The following BRINP1 variants were observed in gnomAD, a reference collection of about 807,000 sequenced individuals.
BRINP1 encodes the protein BMP/retinoic acid inducible neural specific 1.
Under a neutral mutation model 72.9 loss-of-function variants are expected in BRINP1, and 17 were observed. That is an observed-to-expected ratio of 0.23 (90% CI 0.16 to 0.35). The LOEUF (loss-of-function observed/expected upper bound fraction) is 0.35. Among genes scored for constraint, BRINP1 ranks in the 10% least tolerant of loss-of-function variants. The pLI is 1.00. For missense variants in BRINP1, 850 were observed against 1,001.6 expected (o/e 0.85, Z 2.04); for synonymous variants, 418 against 378.5 (o/e 1.10, Z -1.21).
At chr9:119,278,126 T>C (rs1830674199) in intron 2 of BRINP1, among the ~76,000 whole-genome samples, 1 of 152,184 alleles carries the variant, frequency 6.6e-6, no homozygotes. Context: ...CAAATCTCGT[T>C]TCTTGTTTTT....
intron 1 of BRINP1, among the ~76,000 whole-genome samples, chr9:119,331,600 T>A (rs1042920877): frequency 6.6e-6 from 1 of 152,218 alleles, no homozygotes; most frequent in Non-Finnish European, 1.5e-5. Context: ...TTTGTAAATA[T>A]GTAGATGATG....
intron 1 of BRINP1, among the ~76,000 whole-genome samples, chr9:119,359,877 CAAG>C (rs1485726001): frequency 1.3e-5 from 2 of 152,178 alleles, no homozygotes; most frequent in Non-Finnish European, 2.9e-5. Context: ...TTTTCCACTC[CAAG>C]AACGGCTTTA....
intron 6 of BRINP1, among the ~76,000 whole-genome samples, chr9:119,209,523 C>T (rs964851201): frequency 4.7e-5 from 7 of 149,860 alleles, no homozygotes; most frequent in Non-Finnish European, 1.5e-5. Context: ...GCTGAGACTG[C>T]ACCACTGCAC....
rs756200273 is a variant in BRINP1, at chr9:119,279,351, G to GATTTC, written c.219-30202_219-30201insGAAAT. ...TTATTAACCATGGGGATTTCGCCAG[G>GATTTC]GCACCTGCCCACGCACGGTTCCCCT... is the stretch of plus-strand genomic sequence containing the variant. On this transcript the variant is annotated intron_variant, in intron 2 of 7. Coordinates refer to ENST00000265922, the MANE Select transcript of BRINP1 (RefSeq NM_014618.3). Among the ~76,000 whole-genome samples, 1,483 of 152,244 alleles carry GATTTC rather than the reference G, an allele frequency of 9.7e-3. 12 individuals are homozygous for GATTTC. The highest frequency in any genetic ancestry group is 0.016 in the Non-Finnish European group (1,083 of 68,012).
intron 7 of BRINP1, among the ~76,000 whole-genome samples, chr9:119,176,613 G>C (rs1403873401): frequency 6.6e-6 from 1 of 152,152 alleles, no homozygotes; most frequent in Non-Finnish European, 1.5e-5. Flanking sequence ...GCCCATCTTA[G>C]GCAGCTGGTG....
At chr9:119,277,194 C>T (rs1564236310) in intron 2 of BRINP1, among the ~76,000 whole-genome samples, 2 of 152,134 alleles carry the variant, frequency 1.3e-5, no homozygotes, top group Non-Finnish European at 2.9e-5. Flanking sequence ...AGTTGTTTTA[C>T]CCATTCACCT....
chr9:119,297,717 AG>A (rs1460964930), intron 2 of BRINP1, among the ~76,000 whole-genome samples: 7 of 152,174 alleles, frequency 4.6e-5, no homozygotes, highest in Non-Finnish European at 7.3e-5. Context: ...CTGCTCATTT[AG>A]GTTCAACTGG....
chr9:119,267,644 A>AAATG lies in BRINP1; in HGVS notation c.219-18495_219-18494insCATT, dbSNP rs1830561113. Among the ~76,000 whole-genome samples, 4 of 87,734 alleles carry AAATG rather than the reference A, an allele frequency of 4.6e-5. No homozygotes were observed. The South Asian group carries it at 1.2e-3, about 27-fold the overall frequency. 57.6% of individuals were successfully genotyped at this position (87,734 alleles called of 152,430 possible). On this transcript the variant is annotated intron_variant, in intron 2 of 7. Transcript: ENST00000265922. ...AGAGTGAAACTCCATCTCAATAAAT[A>AAATG]AATAAATAAATAAATAAATAAATAA...
At chr9:119,224,575 C>T (rs1006750878) in intron 5 of BRINP1, among the ~76,000 whole-genome samples, 3 of 152,130 alleles carry the variant, frequency 2.0e-5, no homozygotes, top group Middle Eastern at 6.8e-3. Flanking sequence ...CCTCAAAATC[C>T]CAGTGGCTTA....
chr9:119,351,430 T>C (rs1011982029), intron 1 of BRINP1, among the ~76,000 whole-genome samples: 5 of 151,132 alleles, frequency 3.3e-5, no homozygotes, highest in Admixed American at 1.3e-4. Flanking sequence ...CTACCACACA[T>C]GAAATGGATG....
intron 2 of BRINP1, among the ~76,000 whole-genome samples, chr9:119,254,405 G>C (rs1830424966): frequency 6.6e-6 from 1 of 152,102 alleles, no homozygotes; most frequent in South Asian, 2.1e-4. Context: ...AGGGACCATA[G>C]GGCCACCTGG....
intron 1 of BRINP1, among the ~76,000 whole-genome samples, chr9:119,353,478 G>A (rs1369537263): frequency 2.0e-5 from 3 of 152,110 alleles, no homozygotes; most frequent in African/African-American, 4.8e-5. Flanking sequence ...ATCACATAAC[G>A]CCAGTGTTAG....
At position 119,167,805 on chromosome 9, in the gene BRINP1, T is replaced by G. The variant is rs2118812153; in HGVS notation, c.1565A>C (p.Lys522Thr). 6.2e-7 allele frequency: 1 copy of G among 1,613,686 alleles called. No individual in the cohort carries two copies. Among genetic ancestry groups the G allele is most frequent in the South Asian group, 1.1e-5 (1 of 91,042 alleles). The change falls in exon 8 of 8, where the codon AAG becomes ACG. Residue 522 changes from lysine (K) to threonine (T), a missense_variant. Coordinates refer to ENST00000265922, the MANE Select transcript of BRINP1 (RefSeq NM_014618.3). This position sits in a 1 kb window ranked among gnomAD's most constrained non-coding sequence, Gnocchi z 4.3. ...GCTCTTGAGAGTGAGGGACATGCGC[T>G]TGCGCCACCGAGGGTCAAAGAAGGT... is the stretch of plus-strand genomic sequence containing the variant. ...LDTFFDPRWRKRMSLTLKSNK... is the reference protein window; with the variant it reads ...LDTFFDPRWRTRMSLTLKSNK...
chr9:119,354,862 C>T (rs1207402732), intron 1 of BRINP1, among the ~76,000 whole-genome samples: 1 of 152,108 alleles, frequency 6.6e-6, no homozygotes, highest in Non-Finnish European at 1.5e-5. Flanking sequence ...GAGTGAGACC[C>T]TGTCTCAGAG....
chr9:119,179,334 TAGG>T (rs1266758096), intron 7 of BRINP1, among the ~76,000 whole-genome samples: 2 of 152,160 alleles, frequency 1.3e-5, no homozygotes, highest in Non-Finnish European at 2.9e-5. Flanking sequence ...TTCATTCTGA[TAGG>T]GGGCTGAGAG....
intron 1 of BRINP1, among the ~76,000 whole-genome samples, chr9:119,313,885 C>A (rs1831097625): frequency 6.6e-6 from 1 of 152,240 alleles, no homozygotes; most frequent in Non-Finnish European, 1.5e-5. Flanking sequence ...AACAACCTGC[C>A]TCTCATAAAG....
chr9:119,337,909 G>T (rs1024246943), intron 1 of BRINP1, among the ~76,000 whole-genome samples: 7 of 152,188 alleles, frequency 4.6e-5, no homozygotes, highest in African/African-American at 1.7e-4. Flanking sequence ...GAGTACTACA[G>T]TCAGAAGAGT....
chr9:119,176,199 C>T (rs1829487537), intron 7 of BRINP1, among the ~76,000 whole-genome samples: 1 of 152,172 alleles, frequency 6.6e-6, no homozygotes, highest in African/African-American at 2.4e-5. Flanking sequence ...TCAGAGTAGT[C>T]TCCTGGCTCA....
chr9:119,235,338 C>T (rs1830183833), intron 5 of BRINP1, among the ~76,000 whole-genome samples: 1 of 152,138 alleles, frequency 6.6e-6, no homozygotes, highest in Non-Finnish European at 1.5e-5. Flanking sequence ...GATGTCTGTG[C>T]TTTAATTTCA....
Sources: allele counts gnomAD v4.1 joint callset (sites outside exome capture counted in the v4.1 genomes callset), GRCh38; gene constraint gnomAD v4.1.1; non-coding constraint Gnocchi (gnomAD v3.1); transcripts MANE v1.5; gene names NCBI Gene and HGNC (gene_info 2026-07-23, HGNC 2026-07-21).